ZNF180: variants seen among roughly 807,000 people sequenced by gnomAD.
The protein encoded by ZNF180 is zinc finger protein 180.
A neutral mutation model predicts 11.8 loss-of-function variants in ZNF180; 11 were observed. That is an observed-to-expected ratio of 0.93 (90% CI 0.59 to 1.55). The LOEUF is 1.55. Among genes scored for constraint, ZNF180 ranks in the 40% most tolerant of loss-of-function variants. The pLI is 0.00. For synonymous variants in ZNF180, 287 were observed against 257.7 expected (o/e 1.11, Z -1.09); for missense variants, 773 against 781.7 (o/e 0.99, Z 0.13).
chr19:44,493,761 C>CTCTCTCTG (rs1970508677), intron 2 of ZNF180, among the ~76,000 whole-genome samples: 2 of 152,246 alleles, frequency 1.3e-5, no homozygotes, highest in Admixed American at 6.5e-5. Context: ...CTCTCTCTCT[C>CTCTCTCTG]TCTCACTGGG....
Position 44,484,388 on chromosome 19 carries a change from G to A in ZNF180, c.99C>T (p.Asp33=), listed in dbSNP as rs201546320. The A allele has an allele frequency of 2.1e-4, 339 of 1,613,978 alleles. 8 individuals are homozygous for A. In the South Asian group the frequency reaches 3.4e-3, roughly 16 times the overall value. The change falls in exon 3 of 5, where the codon GAC becomes GAT. Residue 33 remains aspartate, a synonymous_variant. Coordinates refer to ENST00000592529, the MANE Select transcript of ZNF180 (RefSeq NM_001278509.3). The part of the protein sequence containing the change: ...QEIIIKVEGE[D]TGSLTIPSQE... ...GAGATGGGATGGTCAGAGACCCAGTGTCTTCTCCCTCGACTTTGATGATAA... is the reference window on the plus strand; with the variant it reads ...GAGATGGGATGGTCAGAGACCCAGTATCTTCTCCCTCGACTTTGATGATAA...
chr19:44,491,999 C>A (rs954881928), intron 2 of ZNF180, among the ~76,000 whole-genome samples: 1 of 152,190 alleles, frequency 6.6e-6, no homozygotes, highest in Non-Finnish European at 1.5e-5. Context: ...AACTCTTCTG[C>A]TTCCCACTGT....
At chr19:44,494,907 G>A (rs1970539709) in intron 2 of ZNF180, among the ~76,000 whole-genome samples, 1 of 152,084 alleles carries the variant, frequency 6.6e-6, no homozygotes, top group Admixed American at 6.5e-5. Context: ...TGAAATGTGG[G>A]CACTAGGTAT....
In ZNF180 at chr19:44,474,568, GTAAGA is replaced by G. The variant is rs997011121; in HGVS notation, c.*1829_*1833del. ...TTTCTTTACACGACTTGTGAGATAA[GTAAGA>G]TATCAGTTAAAATTTTCATTTCAGC... On this transcript the variant is annotated 3_prime_UTR_variant, in exon 5 of 5. Coordinates refer to ENST00000592529, the MANE Select transcript of ZNF180 (RefSeq NM_001278509.3). 6.6e-6 allele frequency: 1 copy of G among 152,116 alleles called. No individual in the cohort carries two copies. Among genetic ancestry groups the G allele is most frequent in the Non-Finnish European group, 1.5e-5 (1 of 68,022 alleles). The allele number at this position is 152,116 out of a possible 1,614,324, so 9.4% of individuals were successfully genotyped here. A position where few individuals can be genotyped will look rare whatever the true frequency, so the allele number is the denominator to read the frequency against.
In ZNF180 at chr19:44,476,214, G is replaced by T; in HGVS notation, c.*188C>A. 1.9e-6 allele frequency: 1 copy of T among 525,808 alleles called. No individual in the cohort carries two copies. Among genetic ancestry groups the T allele is most frequent in the Non-Finnish European group, 3.2e-6 (1 of 312,066 alleles). The allele number at this position is 525,808 out of a possible 1,614,324, so 32.6% of individuals were successfully genotyped here. Reference sequence around the variant, plus strand: ...ACATTGTATATGGAATTGCCAGGTTGAAAAGTCGTTCATAGACTTTCCCCC... The same window carrying T: ...ACATTGTATATGGAATTGCCAGGTTTAAAAGTCGTTCATAGACTTTCCCCC... On this transcript the variant is annotated 3_prime_UTR_variant, in exon 5 of 5. Transcript: ENST00000592529.
intron 2 of ZNF180, among the ~76,000 whole-genome samples, chr19:44,485,898 G>T (rs540318845): frequency 2.0e-5 from 3 of 151,804 alleles, no homozygotes; most frequent in African/African-American, 7.3e-5. Flanking sequence ...TTTTTTAAAG[G>T]CAATATTTTT....
At position 44,500,334 on chromosome 19, in the gene ZNF180, G is replaced by A. The variant is rs750611892; in HGVS notation, c.-103C>T. On this transcript the variant is annotated 5_prime_UTR_variant, in exon 1 of 5. Transcript: ENST00000592529. ...CTGTCACCGCCTCAGTGCCTAGCACGGCTCTGCGGCAGGACGAACTCGGGT... is the reference window on the plus strand; with the variant it reads ...CTGTCACCGCCTCAGTGCCTAGCACAGCTCTGCGGCAGGACGAACTCGGGT... The A allele has an allele frequency of 1.2e-4, 183 of 1,525,146 alleles. No individual in the cohort carries two copies. The highest frequency in any genetic ancestry group is 1.9e-4 in the South Asian group (17 of 89,010). The allele number at this position is 1,525,146 out of a possible 1,614,324, so 94.5% of individuals were successfully genotyped here.
Position 44,477,322 on chromosome 19 carries a change from C to A in ZNF180, c.1078G>T (p.Gly360Ter). ...TGCGAGCTCCGGCTGAAGGATTTTCCACATTCACTACATTCATAAGGTTTC... is the reference window on the plus strand; with the variant it reads ...TGCGAGCTCCGGCTGAAGGATTTTCAACATTCACTACATTCATAAGGTTTC... ...GEKPYECSECGKSFSRSSHLV... is the reference protein window; with the variant it reads ...GEKPYECSEC The change falls in exon 5 of 5, where the codon GGA becomes TGA. Residue 360 changes from glycine (G) to a stop codon, truncating the protein, a stop_gained. Transcript: ENST00000592529. LOFTEE classifies it low-confidence loss of function (END_TRUNC). The A allele has an allele frequency of 6.2e-7, 1 of 1,612,398 alleles. No homozygotes were observed. The highest frequency in any genetic ancestry group is 8.5e-7 in the Non-Finnish European group (1 of 1,178,736).
intron 4 of ZNF180, among the ~76,000 whole-genome samples, chr19:44,479,016 A>C (rs1410377530): frequency 1.3e-5 from 2 of 152,232 alleles, no homozygotes; most frequent in Non-Finnish European, 2.9e-5. Context: ...TTGAGTTTTC[A>C]AAGCTGGGGA....
rs1223479596 is a variant in ZNF180, at chr19:44,474,516, T to G, written c.*1886A>C. ...ACACTCAAAACATCATTAAACCATC[T>G]AATCTAATATTCGACCATATCATTT... On this transcript the variant is annotated 3_prime_UTR_variant, in exon 5 of 5. Coordinates refer to ENST00000592529, the MANE Select transcript of ZNF180 (RefSeq NM_001278509.3). The G allele has an allele frequency of 1.3e-5, 2 of 152,222 alleles. No individual in the cohort carries two copies. Among genetic ancestry groups the G allele is most frequent in the East Asian group, 3.8e-4 (2 of 5,202 alleles). 9.4% of individuals were successfully genotyped at this position (152,222 alleles called of 1,614,324 possible).
chr19:44,493,960 C>T (rs1394918569), intron 2 of ZNF180, among the ~76,000 whole-genome samples: 1 of 152,334 alleles, frequency 6.6e-6, no homozygotes, highest in African/African-American at 2.4e-5. Flanking sequence ...GGACCCTGAG[C>T]ACCAGAAACA....
chr19:44,499,489 C>G (rs188237509), intron 1 of ZNF180, among the ~76,000 whole-genome samples: 35 of 152,316 alleles, frequency 2.3e-4, no homozygotes, highest in Non-Finnish European at 3.4e-4. Flanking sequence ...ATCTCCAACC[C>G]GGAGTCTCTG....
rs997675700 is a variant in ZNF180, at chr19:44,477,816, G to C, written c.584C>G (p.Ser195Ter). 2 of 1,613,764 alleles carry C rather than the reference G, an allele frequency of 1.2e-6. No homozygotes were observed. The highest frequency in any genetic ancestry group is 1.3e-5 in the African/African-American group (1 of 74,918). The stretch of plus-strand genomic sequence containing the variant: ...ATTAAGATGCCATTTTTTAGCATGT[G>C]ATACATGTTTATGAAAATGGTTTCT... ...PIRNHFHKHVSHAKKWHLNAA... is the reference protein window; with the variant it reads ...PIRNHFHKHV Residue 195 changes from serine to a stop codon, truncating the protein, a stop_gained, in exon 5 of 5, where the codon TCA becomes TGA. Coordinates refer to ENST00000592529, the MANE Select transcript of ZNF180 (RefSeq NM_001278509.3). LOFTEE classifies it low-confidence loss of function (END_TRUNC).
At chr19:44,494,060 G>A (rs549735569) in intron 2 of ZNF180, among the ~76,000 whole-genome samples, 32 of 152,326 alleles carry the variant, frequency 2.1e-4, no homozygotes, top group African/African-American at 3.1e-4. Context: ...TTTGGGGTAT[G>A]TAATAACAGA....
At chr19:44,478,286 AG>A in intron 4 of ZNF180, 140 bp from the exon 5 acceptor site, 1 of 826,988 alleles carries the variant, frequency 1.2e-6, no homozygotes, top group Non-Finnish European at 1.8e-6. Context: ...AAAAAGCAAA[AG>A]GGTGAGATAA....
intron 2 of ZNF180, among the ~76,000 whole-genome samples, chr19:44,496,355 A>G (rs1480005312): frequency 6.6e-6 from 1 of 152,258 alleles, no homozygotes; most frequent in Non-Finnish European, 1.5e-5. Context: ...GTACTGTACA[A>G]AAATATGAAA....
chr19:44,492,300 G>A (rs565703113), intron 2 of ZNF180, among the ~76,000 whole-genome samples: 13 of 152,220 alleles, frequency 8.5e-5, no homozygotes, highest in Admixed American at 5.2e-4. Context: ...CAAGACTAGA[G>A]ACACGTGCAG....
intron 3 of ZNF180, among the ~76,000 whole-genome samples, chr19:44,480,513 C>T (rs1970050699): frequency 1.3e-5 from 2 of 152,152 alleles, no homozygotes; most frequent in African/African-American, 4.8e-5. Context: ...AAGCCACTAG[C>T]AGAGTTTACT....
rs369854481 is a variant in ZNF180 at position 44,500,188 on chromosome 19, C to A, written c.-44+87G>T. On this transcript the variant is annotated intron_variant, in intron 1 of 4. Coordinates refer to ENST00000592529, the MANE Select transcript of ZNF180 (RefSeq NM_001278509.3). ...CCCGCACAGATACCAGGTCTCCCCG[C>A]TACACTCACCACCGCTTCCAGCTTC... 5.5e-5 allele frequency: 88 copies of A among 1,614,064 alleles called. No individual in the cohort carries two copies. The African/African-American group carries it at 9.6e-4, about 18-fold the overall frequency.
Sources: gnomAD v4.1 joint callset for allele counts (sites outside exome capture counted in the v4.1 genomes callset) on GRCh38, gnomAD v4.1.1 for gene constraint, MANE v1.5 for transcripts, NCBI Gene and HGNC (gene_info 2026-07-23, HGNC 2026-07-21) for gene names.